Variants in GXYLT1 observed in about 807,000 individuals in gnomAD.
GXYLT1 encodes the protein glucoside xylosyltransferase 1.
A neutral mutation model predicts 54.0 loss-of-function variants in GXYLT1; 29 were observed. That is an observed-to-expected ratio of 0.54 (90% CI 0.40 to 0.73). The LOEUF is 0.73. Among genes scored for constraint, GXYLT1 ranks in the 30% least tolerant of loss-of-function variants. The pLI, the probability that GXYLT1 is intolerant of heterozygous loss-of-function variation, is 0.00. For synonymous variants in GXYLT1, 176 were observed against 204.1 expected (o/e 0.86, Z 1.17); for missense variants, 490 against 553.4 (o/e 0.89, Z 1.15).
chr12:42,137,494 C>G (rs1428478601), intron 1 of GXYLT1, among the ~76,000 whole-genome samples: 7 of 104,178 alleles, frequency 6.7e-5, no homozygotes, highest in Non-Finnish European at 1.1e-4. Context: ...GGCGACAGAG[C>G]ATCTGTTTCA....
Position 42,088,601 on chromosome 12 carries a change from T to G in GXYLT1, c.1162-654A>C, listed in dbSNP as rs2065310980. On this transcript the variant is annotated intron_variant, in intron 7 of 7. Coordinates refer to ENST00000398675, the MANE Select transcript of GXYLT1 (RefSeq NM_173601.2). Reference sequence around the variant, plus strand: ...GATATATTTTTGGCTAGAGTCCTTCTTTTACTATAAAATATACTAATATCG... The same window carrying G: ...GATATATTTTTGGCTAGAGTCCTTCGTTTACTATAAAATATACTAATATCG... Among the ~76,000 whole-genome samples, 3 of 152,162 alleles carry G rather than the reference T, an allele frequency of 2.0e-5. No individual in the cohort carries two copies. In the South Asian group the frequency reaches 6.2e-4, roughly 32 times the overall value.
intron 7 of GXYLT1, among the ~76,000 whole-genome samples, chr12:42,094,055 T>TA (rs34117278): frequency 8.6e-4 from 123 of 142,722 alleles, no homozygotes; most frequent in Middle Eastern, 3.5e-3. Flanking sequence ...ATTACAACTT[T>TA]AAAAAAAAAA....
At chr12:42,102,724 G>A (rs1665380023) in intron 5 of GXYLT1, among the ~76,000 whole-genome samples, 1 of 152,042 alleles carries the variant, frequency 6.6e-6, no homozygotes, top group Non-Finnish European at 1.5e-5. Context: ...AAGAAATACA[G>A]TAATACATTT....
intron 6 of GXYLT1, 99 bp from the exon 7 acceptor site, chr12:42,097,713 T>A (rs952224760): frequency 1.7e-6 from 2 of 1,176,038 alleles, no homozygotes; most frequent in Admixed American, 5.1e-5. Context: ...CTCTTACAAG[T>A]AAGAATTAAT....
At chr12:42,135,875 G>A (rs573263959) in intron 1 of GXYLT1, among the ~76,000 whole-genome samples, 2 of 152,130 alleles carry the variant, frequency 1.3e-5, no homozygotes, top group Non-Finnish European at 2.9e-5. Context: ...AAGGTTTAAT[G>A]CAGTCAAAAT....
chr12:42,143,978 G>C (rs555357429), intron 1 of GXYLT1, among the ~76,000 whole-genome samples: 1 of 152,108 alleles, frequency 6.6e-6, no homozygotes, highest in Non-Finnish European at 1.5e-5. Flanking sequence ...CAGCATGAGG[G>C]ACAAAATACA....
At position 42,109,927 on chromosome 12, in the gene GXYLT1, C is replaced by A. The variant is rs115260551; in HGVS notation, c.487-236G>T. Among the ~76,000 whole-genome samples, 1,213 of 152,322 alleles carry A rather than the reference C, an allele frequency of 8.0e-3. 13 individuals are homozygous for A. Among genetic ancestry groups the A allele is most frequent in the African/African-American group, 0.027 (1,124 of 41,582 alleles). ...AGATCTGAAGCATAATGAAAGTTAT[C>A]AGGGTCCAACTCCCAAAATCAGAAA... On this transcript the variant is annotated intron_variant, in intron 3 of 7. Transcript: ENST00000398675.
chr12:42,129,544 TAA>T (rs1346434110), intron 2 of GXYLT1, among the ~76,000 whole-genome samples: 1 of 152,152 alleles, frequency 6.6e-6, no homozygotes, highest in Non-Finnish European at 1.5e-5. Context: ...TGGTTTGTCT[TAA>T]TAACATCTAA....
chr12:42,132,509 C>T (rs2065598643), intron 1 of GXYLT1, among the ~76,000 whole-genome samples: 1 of 152,162 alleles, frequency 6.6e-6, no homozygotes. Flanking sequence ...ACAAATTACC[C>T]ACCACTATTA....
chr12:42,118,236 C>T (rs543278705), intron 3 of GXYLT1, among the ~76,000 whole-genome samples: 2 of 152,294 alleles, frequency 1.3e-5, no homozygotes, highest in Admixed American at 6.5e-5. Context: ...GAAGCCACTT[C>T]CCGCCATATT....
At chr12:42,117,440 A>G (rs2065503483) in intron 3 of GXYLT1, among the ~76,000 whole-genome samples, 1 of 152,048 alleles carries the variant, frequency 6.6e-6, no homozygotes, top group Non-Finnish European at 1.5e-5. Context: ...TTTTCTGCCA[A>G]AAAGTATAAA....
chr12:42,096,243 G>C (rs1050057018), intron 7 of GXYLT1, among the ~76,000 whole-genome samples: 1 of 152,124 alleles, frequency 6.6e-6, no homozygotes, highest in African/African-American at 2.4e-5. Flanking sequence ...CAATAAACAT[G>C]CCTAATATCC....
chr12:42,125,083 G>A (rs528994741), intron 2 of GXYLT1, among the ~76,000 whole-genome samples: 51 of 152,310 alleles, frequency 3.3e-4, no homozygotes, highest in African/African-American at 1.1e-3. Context: ...ACCAAGAGGA[G>A]ACAGAGAAGG....
At chr12:42,098,140 G>T (rs1191978840) in intron 5 of GXYLT1, 107 bp from the exon 6 acceptor site, 2 of 1,031,010 alleles carry the variant, frequency 1.9e-6, no homozygotes, top group African/African-American at 1.6e-5. Flanking sequence ...TCCACAAAGA[G>T]AAATGCAAAC....
In GXYLT1 at chr12:42,105,925, T is replaced by G; in HGVS notation, c.757A>C (p.Ile253Leu). The change falls in exon 5 of 8, where the codon ATA becomes CTA. Residue 253 changes from isoleucine to leucine, a missense_variant. Ile to Leu is a conservative substitution (Grantham distance 5). Coordinates refer to ENST00000398675, the MANE Select transcript of GXYLT1 (RefSeq NM_173601.2). Reference sequence around the variant, plus strand: ...CTAGCAAAGCGATTATACCATCCTATTCGAGGTTCCTCATGTTCTGGTGCC... The same window carrying G: ...CTAGCAAAGCGATTATACCATCCTAGTCGAGGTTCCTCATGTTCTGGTGCC... Reference protein sequence around the residue: ...AMAPEHEEPRIGWYNRFARHP... With the variant: ...AMAPEHEEPRLGWYNRFARHP... 1 of 1,614,132 alleles carries G rather than the reference T, an allele frequency of 6.2e-7. No individual in the cohort carries two copies. Among genetic ancestry groups the G allele is most frequent in the Non-Finnish European group, 8.5e-7 (1 of 1,179,978 alleles).
chr12:42,104,364 T>C (rs2065407616), intron 5 of GXYLT1, among the ~76,000 whole-genome samples: 2 of 152,168 alleles, frequency 1.3e-5, no homozygotes, highest in Admixed American at 6.5e-5. Flanking sequence ...AGTTTTACTA[T>C]ATTTAGTAAA....
chr12:42,119,313 G>C, intron 2 of GXYLT1, 142 bp from the exon 3 acceptor site: 1 of 666,058 alleles, frequency 1.5e-6, no homozygotes, highest in South Asian at 1.9e-5. Flanking sequence ...AGCTAAGGCA[G>C]GAGGATCACT....
At position 42,085,833 on chromosome 12, in the gene GXYLT1, A is replaced by G. The variant is rs1295263594; in HGVS notation, c.*1953T>C. The G allele has an allele frequency of 8.0e-6, 1 of 124,728 alleles. No homozygotes were observed. Among genetic ancestry groups the G allele is most frequent in the East Asian group, 2.3e-4 (1 of 4,334 alleles). The allele number at this position is 124,728 out of a possible 1,614,324, so 7.7% of individuals were successfully genotyped here. The stretch of plus-strand genomic sequence containing the variant: ...TCACAGCAGTGAAATAACACAATGT[A>G]TGGGATTTTAAGATACTTAAGCAAA... On this transcript the variant is annotated 3_prime_UTR_variant, in exon 8 of 8. Transcript: ENST00000398675.
intron 3 of GXYLT1, among the ~76,000 whole-genome samples, chr12:42,113,129 A>T (rs2136898669): frequency 6.6e-6 from 1 of 151,264 alleles, no homozygotes; most frequent in Non-Finnish European, 1.5e-5. Context: ...CTCCTGAAGG[A>T]AGCACTAAAC....
Sources: allele counts gnomAD v4.1 joint callset (sites outside exome capture counted in the v4.1 genomes callset), GRCh38; gene constraint gnomAD v4.1.1; transcripts MANE v1.5; gene names NCBI Gene and HGNC (gene_info 2026-07-23, HGNC 2026-07-21).